The following FSHR variants were observed in gnomAD, a reference collection of about 807,000 sequenced individuals.
The protein encoded by FSHR is follicle-stimulating hormone receptor.
A neutral mutation model predicts 52.1 loss-of-function variants in FSHR; 46 were observed. That is an observed-to-expected ratio of 0.88 (90% CI 0.70 to 1.13). The LOEUF is 1.13. FSHR is among the 50% of genes most tolerant of loss of function. The pLI, the probability that FSHR is intolerant of heterozygous loss-of-function variation, is 0.00. For missense variants in FSHR, 964 were observed against 834.6 expected (o/e 1.16, Z -1.91); for synonymous variants, 399 against 309.6 (o/e 1.29, Z -3.03).
At chr2:49,065,527 A>G (rs908048369) in intron 2 of FSHR, among the ~76,000 whole-genome samples, 1 of 152,096 alleles carries the variant, frequency 6.6e-6, no homozygotes, top group African/African-American at 2.4e-5. Context: ...GACATGATTC[A>G]CTGGGCAATA....
At chr2:48,968,210 T>C (rs1674565184) in intron 9 of FSHR, among the ~76,000 whole-genome samples, 1 of 152,118 alleles carries the variant, frequency 6.6e-6, no homozygotes, top group Admixed American at 6.5e-5. Context: ...CCCTGTGAGG[T>C]AGGAAGATCC....
rs146264684 is a variant in FSHR at position 49,143,151 on chromosome 2, C to T, written c.152+11115G>A. Reference sequence around the variant, plus strand: ...CAACAGAAGAAGGTTCAGGAGGAAGCCTGGGAACTCCAACATCTAGAGGCT... The same window carrying T: ...CAACAGAAGAAGGTTCAGGAGGAAGTCTGGGAACTCCAACATCTAGAGGCT... On this transcript the variant is annotated intron_variant, in intron 1 of 9. Transcript: ENST00000406846. Among the ~76,000 whole-genome samples the T allele has an allele frequency of 2.4e-3, 367 of 152,192 alleles. 1 individual carries two copies. Among genetic ancestry groups the T allele is most frequent in the Non-Finnish European group, 3.9e-3 (268 of 67,998 alleles).
chr2:49,098,833 A>G (rs1670921803), intron 1 of FSHR, among the ~76,000 whole-genome samples: 1 of 146,432 alleles, frequency 6.8e-6, no homozygotes, highest in Non-Finnish European at 1.5e-5. Flanking sequence ...ATTATATATT[A>G]TATATTATAT....
chr2:49,104,139 G>A (rs768705081), intron 1 of FSHR, among the ~76,000 whole-genome samples: 5 of 152,124 alleles, frequency 3.3e-5, no homozygotes, highest in African/African-American at 1.2e-4. Flanking sequence ...GATTAGAGTA[G>A]ATTTAATCTT....
At chr2:49,129,306 G>A (rs554185855) in intron 1 of FSHR, among the ~76,000 whole-genome samples, 1 of 152,210 alleles carries the variant, frequency 6.6e-6, no homozygotes, top group South Asian at 2.1e-4. Context: ...AGCCAGGCCA[G>A]ATAGCCTGAT....
At chr2:49,066,867 T>C (rs1220232819) in intron 2 of FSHR, among the ~76,000 whole-genome samples, 2 of 152,122 alleles carry the variant, frequency 1.3e-5, no homozygotes, top group East Asian at 1.9e-4. Context: ...GGATATCCAG[T>C]AGTCATTTAG....
rs1674450852 is a variant in FSHR at position 48,965,699 on chromosome 2, C to G, written c.855-1733G>C. ...CTTCACTTCCTATGGCTTATGGTCGCTGTCTGTGAAGGTTCTTATTGTTGA... is the reference window on the plus strand; with the variant it reads ...CTTCACTTCCTATGGCTTATGGTCGGTGTCTGTGAAGGTTCTTATTGTTGA... On this transcript the variant is annotated intron_variant, in intron 9 of 9. Transcript: ENST00000406846. Among the ~76,000 whole-genome samples, 4 of 152,186 alleles carry G rather than the reference C, an allele frequency of 2.6e-5. No individual in the cohort carries two copies. The South Asian group carries it at 8.3e-4, about 32-fold the overall frequency.
intron 1 of FSHR, among the ~76,000 whole-genome samples, chr2:49,109,120 T>C (rs1039857195): frequency 2.0e-5 from 3 of 152,100 alleles, no homozygotes; most frequent in African/African-American, 4.8e-5. Flanking sequence ...TCTCCACAGA[T>C]AAATTTGAGT....
chr2:49,058,639 G>A (rs928439630), intron 2 of FSHR, among the ~76,000 whole-genome samples: 1 of 151,484 alleles, frequency 6.6e-6, no homozygotes, highest in East Asian at 1.9e-4. Context: ...AAAATCAGTA[G>A]CATTTCTATC....
intron 8 of FSHR, among the ~76,000 whole-genome samples, chr2:48,976,548 G>C (rs1674997814): frequency 6.6e-6 from 1 of 152,212 alleles, no homozygotes; most frequent in African/African-American, 2.4e-5. Flanking sequence ...AATAGTTTCA[G>C]AAGGAATGGT....
intron 2 of FSHR, among the ~76,000 whole-genome samples, chr2:49,033,733 A>T (rs889835241): frequency 1.3e-5 from 2 of 152,110 alleles, no homozygotes; most frequent in Non-Finnish European, 2.9e-5. Context: ...AAGAAAAAAA[A>T]TCATTTACCC....
chr2:48,975,082 T>G (rs1022625105), intron 8 of FSHR, among the ~76,000 whole-genome samples: 1 of 152,166 alleles, frequency 6.6e-6, no homozygotes, highest in Non-Finnish European at 1.5e-5. Flanking sequence ...GGTGTCAACT[T>G]GAGGGGATTA....
At chr2:48,977,679 C>T (rs1675053661) in intron 8 of FSHR, among the ~76,000 whole-genome samples, 1 of 152,166 alleles carries the variant, frequency 6.6e-6, no homozygotes, top group African/African-American at 2.4e-5. Context: ...ACATTCATCC[C>T]TTGGCCAGAT....
At chr2:49,059,162 G>T (rs1669187658) in intron 2 of FSHR, among the ~76,000 whole-genome samples, 3 of 151,944 alleles carry the variant, frequency 2.0e-5, no homozygotes, top group Admixed American at 2.0e-4. Flanking sequence ...CCATAACTGA[G>T]CCATGATCAC....
At chr2:49,040,705 G>A (rs1436982020) in intron 2 of FSHR, among the ~76,000 whole-genome samples, 2 of 152,192 alleles carry the variant, frequency 1.3e-5, no homozygotes, top group African/African-American at 4.8e-5. Context: ...AGTCTGGCCT[G>A]GCAGCAGGGA....
chr2:48,964,083 TC>T, intron 9 of FSHR, 117 bp from the exon 10 acceptor site: 1 of 963,184 alleles, frequency 1.0e-6, no homozygotes, highest in East Asian at 2.5e-5. Context: ...TTTTTTTTCT[TC>T]TCACATCATA....
intron 1 of FSHR, among the ~76,000 whole-genome samples, chr2:49,143,510 A>T (rs1558465645): frequency 6.6e-6 from 1 of 152,196 alleles, no homozygotes; most frequent in Non-Finnish European, 1.5e-5. Flanking sequence ...ACAGAGCCAG[A>T]TTGAGTGGGT....
chr2:49,011,197 T>C (rs181976401), intron 4 of FSHR, among the ~76,000 whole-genome samples: 8,580 of 151,040 alleles, frequency 0.057, 724 homozygotes, highest in African/African-American at 0.19. Flanking sequence ...CACACTGCTT[T>C]GAATGCGTCC....
intron 6 of FSHR, among the ~76,000 whole-genome samples, chr2:48,984,651 G>C (rs1332514173): frequency 1.3e-5 from 2 of 151,100 alleles, no homozygotes; most frequent in Non-Finnish European, 2.9e-5. Flanking sequence ...ATAACATTTT[G>C]CTTAACTTAG....
Sources: gnomAD v4.1 joint callset for allele counts (sites outside exome capture counted in the v4.1 genomes callset) on GRCh38, gnomAD v4.1.1 for gene constraint, MANE v1.5 for transcripts, NCBI Gene and HGNC (gene_info 2026-07-23, HGNC 2026-07-21) for gene names.